Variants in SCHIP1 observed in about 807,000 individuals in gnomAD.
SCHIP1 encodes the protein schwannomin-interacting protein 1.
A neutral mutation model predicts 29.7 loss-of-function variants in SCHIP1; 8 were observed. That is an observed-to-expected ratio of 0.27 (90% CI 0.16 to 0.49). SCHIP1 has a LOEUF of 0.49. Ranked by LOEUF, SCHIP1 falls within the 20% of genes least tolerant of loss-of-function variation. The probability of loss-of-function intolerance (pLI) is 0.99; values close to 1 mark genes in which losing one functional copy is unlikely to be tolerated. For synonymous variants in SCHIP1, 76 were observed against 94.9 expected (o/e 0.80, Z 1.16); for missense variants, 193 against 294.6 (o/e 0.66, Z 2.52).
chr3:159,735,923 A>G, the SCHIP1 span, among the ~76,000 whole-genome samples: 1 of 152,128 alleles, frequency 6.6e-6, no homozygotes, highest in African/African-American at 2.4e-5. Flanking sequence ...TAGTTCCTAC[A>G]TGTGTCTGAG....
chr3:159,316,444 A>G, the SCHIP1 span, among the ~76,000 whole-genome samples: 5 of 152,186 alleles, frequency 3.3e-5, no homozygotes, highest in African/African-American at 9.7e-5. Flanking sequence ...GATTGTGCCC[A>G]CCAGATTAAC....
chr3:159,362,707 C>T, the SCHIP1 span, among the ~76,000 whole-genome samples: 342 of 152,264 alleles, frequency 2.2e-3, no homozygotes, highest in African/African-American at 7.7e-3. Context: ...ATTTCCCCCC[C>T]GGCCATGAGC....
At chr3:159,728,788 T>G in the SCHIP1 span, among the ~76,000 whole-genome samples, 1 of 152,176 alleles carries the variant, frequency 6.6e-6, no homozygotes, top group African/African-American at 2.4e-5. Context: ...GGGGGACAGT[T>G]AGAAACAGAA....
chr3:159,810,127 C>G, the SCHIP1 span, among the ~76,000 whole-genome samples: 1 of 152,144 alleles, frequency 6.6e-6, no homozygotes, highest in Non-Finnish European at 1.5e-5. Flanking sequence ...CTCACTGCAA[C>G]CTCCGCCTCC....
At chr3:159,599,821 A>G in the SCHIP1 span, among the ~76,000 whole-genome samples, 1 of 152,050 alleles carries the variant, frequency 6.6e-6, no homozygotes, top group African/African-American at 2.4e-5. Context: ...AGCGAGTTTT[A>G]TGCTTTCATG....
At chr3:159,748,557 C>T in the SCHIP1 span, among the ~76,000 whole-genome samples, 1 of 152,250 alleles carries the variant, frequency 6.6e-6, no homozygotes, top group Non-Finnish European at 1.5e-5. Flanking sequence ...ACCCCTGCCA[C>T]CCTCCTTCAC....
At chr3:159,418,474 C>T in the SCHIP1 span, among the ~76,000 whole-genome samples, 11 of 152,254 alleles carry the variant, frequency 7.2e-5, no homozygotes, top group Middle Eastern at 3.4e-3. Flanking sequence ...ATTTTAAGGA[C>T]GAGAAAGGTT....
At chr3:159,609,772 C>G in the SCHIP1 span, among the ~76,000 whole-genome samples, 3 of 151,988 alleles carry the variant, frequency 2.0e-5, no homozygotes, top group Non-Finnish European at 4.4e-5. Flanking sequence ...AACATCTGTC[C>G]TATTTAAGCA....
the SCHIP1 span, among the ~76,000 whole-genome samples, chr3:159,500,572 G>T: frequency 5.3e-5 from 8 of 151,972 alleles, no homozygotes; most frequent in African/African-American, 1.9e-4. Flanking sequence ...AAATTAGCTG[G>T]GTGTGGTGGC....
the SCHIP1 span, among the ~76,000 whole-genome samples, chr3:159,500,518 C>T: frequency 3.9e-5 from 6 of 152,024 alleles, no homozygotes; most frequent in Non-Finnish European, 7.4e-5. Flanking sequence ...TCGAGACCAT[C>T]CTGGCCAACA....
At chr3:159,507,499 C>T in the SCHIP1 span, among the ~76,000 whole-genome samples, 1 of 152,162 alleles carries the variant, frequency 6.6e-6, no homozygotes, top group Non-Finnish European at 1.5e-5. Flanking sequence ...ACTTCCAGCA[C>T]TAGGTTGAAT....
chr3:159,352,574 C>T, the SCHIP1 span, among the ~76,000 whole-genome samples: 2 of 151,838 alleles, frequency 1.3e-5, no homozygotes, highest in South Asian at 2.1e-4. Flanking sequence ...TGTGTGTGTG[C>T]GTGATGGAAT....
At chr3:159,827,791 G>A in the SCHIP1 span, among the ~76,000 whole-genome samples, 2 of 145,996 alleles carry the variant, frequency 1.4e-5, no homozygotes, top group African/African-American at 5.2e-5. Context: ...CGGCTTGGGC[G>A]ACAGAGCGAG....
At chr3:159,787,808 T>G in the SCHIP1 span, among the ~76,000 whole-genome samples, 9 of 152,158 alleles carry the variant, frequency 5.9e-5, no homozygotes, top group Non-Finnish European at 1.3e-4. Flanking sequence ...GAAGAAGCAT[T>G]AGTTGGCCCT....
At chr3:159,715,726 A>C in the SCHIP1 span, among the ~76,000 whole-genome samples, 1 of 152,330 alleles carries the variant, frequency 6.6e-6, no homozygotes, top group Middle Eastern at 3.4e-3. Context: ...AAATGAACTA[A>C]GCCTCCAAGA....
At chr3:159,830,030 T>C in the SCHIP1 span, among the ~76,000 whole-genome samples, 1 of 152,250 alleles carries the variant, frequency 6.6e-6, no homozygotes, top group South Asian at 2.1e-4. Flanking sequence ...ATTCTGGACA[T>C]GTTTAATGAA....
At chr3:159,509,173 T>C in the SCHIP1 span, among the ~76,000 whole-genome samples, 2 of 152,210 alleles carry the variant, frequency 1.3e-5, no homozygotes, top group African/African-American at 4.8e-5. Flanking sequence ...GCATATATAT[T>C]TAGGATAGTT....
At chr3:159,781,031 G>A in the SCHIP1 span, among the ~76,000 whole-genome samples, 1 of 152,158 alleles carries the variant, frequency 6.6e-6, no homozygotes, top group Non-Finnish European at 1.5e-5. Context: ...TAGTTTTACA[G>A]CATAAATTTT....
the SCHIP1 span, among the ~76,000 whole-genome samples, chr3:159,430,753 A>G: frequency 6.6e-6 from 1 of 152,182 alleles, no homozygotes; most frequent in African/African-American, 2.4e-5. Context: ...GGGATAAGTC[A>G]AGTAGGCATA....
Sources: gnomAD v4.1 joint callset for allele counts (sites outside exome capture counted in the v4.1 genomes callset) on GRCh38, gnomAD v4.1.1 for gene constraint, MANE v1.5 for transcripts, NCBI Gene and HGNC (gene_info 2026-07-23, HGNC 2026-07-21) for gene names.